The following RRBP1 variants were observed in gnomAD, a reference collection of about 807,000 sequenced individuals.
The protein encoded by RRBP1 is ribosome binding protein 1, also known as ribosome-binding protein 1.
A neutral mutation model predicts 165.2 loss-of-function variants in RRBP1; 94 were observed. The observed-to-expected ratio is 0.57, with a 90% confidence interval of 0.48 to 0.68. The LOEUF (loss-of-function observed/expected upper bound fraction) is 0.68, where lower values mean the gene tolerates loss of function less well. Among genes scored for constraint, RRBP1 ranks in the 30% least tolerant of loss-of-function variants. The probability of loss-of-function intolerance (pLI) is 0.00; values close to 1 mark genes in which losing one functional copy is unlikely to be tolerated. For synonymous variants in RRBP1, 680 were observed against 714.5 expected (o/e 0.95, Z 0.77); for missense variants, 1,676 against 1,763.0 (o/e 0.95, Z 0.88).
chr20:17,644,812 G>A (rs1021028891), intron 3 of RRBP1, among the ~76,000 whole-genome samples: 8 of 152,200 alleles, frequency 5.3e-5, no homozygotes, highest in Non-Finnish European at 1.2e-4. Context: ...AGAATGTGAA[G>A]TATCTGTAAT....
chr20:17,640,407 A>T (rs938262465), intron 5 of RRBP1, among the ~76,000 whole-genome samples: 3 of 152,208 alleles, frequency 2.0e-5, no homozygotes, highest in Non-Finnish European at 4.4e-5. Context: ...GAGCACAGGT[A>T]GGGAAAGGGA....
chr20:17,630,112 T>C, intron 8 of RRBP1, 151 bp from the exon 9 acceptor site: 3 of 823,934 alleles, frequency 3.6e-6, no homozygotes, highest in Non-Finnish European at 5.3e-6. Context: ...CTCGAGGCTC[T>C]AGAACCCGCA....
chr20:17,646,837 C>T (rs1242055620), intron 3 of RRBP1, among the ~76,000 whole-genome samples: 1 of 152,150 alleles, frequency 6.6e-6, no homozygotes, highest in Non-Finnish European at 1.5e-5. Context: ...TTTCCAGGAT[C>T]CCCCATGGCC....
At chr20:17,636,545 C>T (rs2036251616) in intron 6 of RRBP1, 32 bp downstream of exon 6, 3 of 1,603,964 alleles carry the variant, frequency 1.9e-6, no homozygotes, top group South Asian at 2.2e-5. Context: ...GGTCCTGTCC[C>T]TTCCCATGCC....
rs1447629045 is a variant in RRBP1 at position 17,627,529 on chromosome 20, T to G, written c.2903A>C (p.Gln968Pro). Residue 968 changes from glutamine (Q) to proline (P), a missense_variant, in exon 10 of 25, where the codon CAG becomes CCG. This residue lies in a region of RRBP1 where 1,184 missense variants were observed against 1,167.1 expected (regional missense o/e 1.01). Coordinates refer to ENST00000377813, the MANE Select transcript of RRBP1 (RefSeq NM_001365613.2). Reference sequence around the variant, plus strand: ...CTGGACGTCCTGGGCATCCCGCGCCTGGCCCGCCTCCAGCAGGGCCTCAAT... The same window carrying G: ...CTGGACGTCCTGGGCATCCCGCGCCGGGCCCGCCTCCAGCAGGGCCTCAAT... ...RSIEALLEAG[Q>P]ARDAQDVQAS... 2 of 1,612,062 alleles carry G rather than the reference T, an allele frequency of 1.2e-6. No homozygotes were observed. Among genetic ancestry groups the G allele is most frequent in the Non-Finnish European group, 1.7e-6 (2 of 1,179,162 alleles).
rs1568750380 is a variant in RRBP1, at chr20:17,616,821, C to T, written c.3778G>A (p.Glu1260Lys). ...ELALVRQQLS[E>K]MKSHVEDGDI... ...CCATCCTCTACGTGGCTCTTCATTTCACTCAACTGCTGCCTGACCTGGAAC... is the reference window on the plus strand; with the variant it reads ...CCATCCTCTACGTGGCTCTTCATTTTACTCAACTGCTGCCTGACCTGGAAC... The change falls in exon 21 of 25, where the codon GAA (glutamate) becomes AAA (lysine). Residue 1260 changes from glutamate (E) to lysine (K), a missense_variant. This residue lies in a region of RRBP1 where 1,184 missense variants were observed against 1,167.1 expected (regional missense o/e 1.01). Coordinates refer to ENST00000377813, the MANE Select transcript of RRBP1 (RefSeq NM_001365613.2). The T allele has an allele frequency of 6.2e-7, 1 of 1,613,238 alleles. No individual in the cohort carries two copies. Among genetic ancestry groups the T allele is most frequent in the East Asian group, 2.2e-5 (1 of 44,848 alleles).
At chr20:17,626,619 C>T (rs925091085) in intron 11 of RRBP1, among the ~76,000 whole-genome samples, 39 of 152,176 alleles carry the variant, frequency 2.6e-4, no homozygotes, top group Admixed American at 1.4e-3. Flanking sequence ...CATGCCTCCC[C>T]CACCTACTGC....
At chr20:17,620,690 G>T in intron 17 of RRBP1, 25 bp downstream of exon 17, 1 of 1,576,352 alleles carries the variant, frequency 6.3e-7, no homozygotes. Context: ...CCACGGCGCC[G>T]GGAGGCAGGC....
chr20:17,644,461 C>A (rs1370620366), intron 3 of RRBP1, among the ~76,000 whole-genome samples: 1 of 152,194 alleles, frequency 6.6e-6, no homozygotes, highest in Non-Finnish European at 1.5e-5. Context: ...TCGGGAGAAA[C>A]CCCCGTGTTA....
Position 17,624,632 on chromosome 20 carries a change from G to C in RRBP1, c.3091C>G (p.Leu1031Val). ...REKNWKAMEA[L>V]ATAEQACKEK... is the part of the protein sequence containing the mutation. ...TTGCAGGCCTGCTCGGCCGTGGCCA[G>C]TGCCTCCATGGCCTTCCAGTTCTTC... The change falls in exon 13 of 25, where the codon CTG becomes GTG. Residue 1031 changes from leucine (L) to valine (V), a missense_variant. Coordinates refer to ENST00000377813, the MANE Select transcript of RRBP1 (RefSeq NM_001365613.2). 1.3e-6 allele frequency: 2 copies of C among 1,590,598 alleles called. No homozygotes were observed. Among genetic ancestry groups the C allele is most frequent in the Non-Finnish European group, 1.7e-6 (2 of 1,169,170 alleles).
chr20:17,671,880 G>C (rs1227194816), intron 2 of RRBP1, among the ~76,000 whole-genome samples: 1 of 152,196 alleles, frequency 6.6e-6, no homozygotes, highest in Non-Finnish European at 1.5e-5. Flanking sequence ...CAGCAAGTTA[G>C]AAGACCGGTT....
At chr20:17,614,361 GACCC>G in intron 24 of RRBP1, 141 bp from the exon 25 acceptor site, 1 of 772,820 alleles carries the variant, frequency 1.3e-6, no homozygotes, top group Non-Finnish European at 2.1e-6. Flanking sequence ...AGGAGCCACA[GACCC>G]CTGGGGCTGG....
chr20:17,627,497 G>A lies in RRBP1; in HGVS notation c.2928+7C>T, dbSNP rs750219101. ...TTCCTCCCCGTGGCCCCAGGCAGAA[G>A]GCTGACCTGGACGTCCTGGGCATCC... is the stretch of plus-strand genomic sequence containing the variant. On this transcript the variant is annotated splice_region_variant and intron_variant, in intron 10 of 24. Coordinates refer to ENST00000377813, the MANE Select transcript of RRBP1 (RefSeq NM_001365613.2). 7 of 1,608,722 alleles carry A rather than the reference G, an allele frequency of 4.4e-6. No homozygotes were observed. The highest frequency in any genetic ancestry group is 4.0e-5 in the African/African-American group (3 of 74,824).
At chr20:17,621,602 G>A in intron 15 of RRBP1, 55 bp from the exon 16 acceptor site, 1 of 1,589,668 alleles carries the variant, frequency 6.3e-7, no homozygotes, top group Non-Finnish European at 8.6e-7. Flanking sequence ...TTCTTCTCTT[G>A]GCTTCCCGTT....
In RRBP1 at chr20:17,643,062, T is replaced by C. The variant is rs1015937566; in HGVS notation, c.1978A>G (p.Met660Val). The change falls in exon 4 of 25, where the codon ATG (methionine) becomes GTG (valine). Residue 660 changes from methionine to valine, a missense_variant. Physicochemically the swap from Met to Val is conservative, Grantham distance 21. This residue lies in a region of RRBP1 where 1,184 missense variants were observed against 1,167.1 expected (regional missense o/e 1.01). Coordinates refer to ENST00000377813, the MANE Select transcript of RRBP1 (RefSeq NM_001365613.2). This position sits in a 1 kb window ranked among gnomAD's most constrained non-coding sequence, Gnocchi z 4.3. ...TGGGCCTCGCCCTCGTTGAACACCA[T>C]GCTCCCAACCGTGGAGACCAGCGTC... The part of the protein sequence containing the change: ...YKTLVSTVGS[M>V]VFNEGEAQRL... 1 of 1,614,036 alleles carries C rather than the reference T, an allele frequency of 6.2e-7. No homozygotes were observed. Among genetic ancestry groups the C allele is most frequent in the Non-Finnish European group, 8.5e-7 (1 of 1,180,018 alleles).
rs147621443 is a variant in RRBP1, at chr20:17,616,840, C to G, written c.3760-1G>C. The G allele has an allele frequency of 1.9e-6, 3 of 1,611,168 alleles. No homozygotes were observed. The African/African-American group carries it at 4.0e-5, about 22-fold the overall frequency. ...TCATTTCACTCAACTGCTGCCTGAC[C>G]TGGAACAGGAAGGGGTGTGTTTGCA... On this transcript the variant is annotated splice_acceptor_variant, in intron 20 of 24. Transcript: ENST00000377813. LOFTEE classifies it high-confidence loss of function.
chr20:17,625,748 C>G (rs2036006152), intron 11 of RRBP1, 146 bp from the exon 12 acceptor site: 5 of 645,062 alleles, frequency 7.8e-6, no homozygotes, highest in Non-Finnish European at 1.4e-5. Flanking sequence ...CCCACCTCAC[C>G]CAGCGTGAGC....
intron 10 of RRBP1, 53 bp from the exon 11 acceptor site, chr20:17,627,435 C>A: frequency 6.2e-7 from 1 of 1,610,834 alleles, no homozygotes; most frequent in Non-Finnish European, 8.5e-7. Context: ...TCTCACGCAG[C>A]GGGGCTAGTC....
intron 9 of RRBP1, among the ~76,000 whole-genome samples, chr20:17,628,709 G>A (rs999681266): frequency 6.6e-6 from 1 of 152,194 alleles, no homozygotes; most frequent in Non-Finnish European, 1.5e-5. Flanking sequence ...CCCACCTCCG[G>A]GCCCTGTGCT....
Sources: gnomAD v4.1 joint callset for allele counts (sites outside exome capture counted in the v4.1 genomes callset) on GRCh38, gnomAD v4.1.1 for gene constraint, gnomAD v4.1.1 regional missense constraint, Gnocchi (gnomAD v3.1) non-coding constraint, MANE v1.5 for transcripts, NCBI Gene and HGNC (gene_info 2026-07-23, HGNC 2026-07-21) for gene names.